Variants in OPRD1 observed in about 807,000 individuals in gnomAD.
The protein encoded by OPRD1 is opioid receptor delta 1.
A neutral mutation model predicts 17.5 loss-of-function variants in OPRD1; 19 were observed. The observed-to-expected ratio is 1.09, with a 90% confidence interval of 0.76 to 1.60. OPRD1 has a LOEUF of 1.60. OPRD1 is among the 40% of genes most tolerant of loss of function. The pLI is 0.00. For missense variants in OPRD1, 483 were observed against 547.2 expected (o/e 0.88, Z 1.17); for synonymous variants, 256 against 240.9 (o/e 1.06, Z -0.58).
rs2089206549 is a variant in OPRD1, at chr1:28,870,325, C to T, written c.*7042C>T. 6.6e-6 allele frequency: 1 copy of T among 150,812 alleles called. No homozygotes were observed. The highest frequency in any genetic ancestry group is 6.6e-5 in the Admixed American group (1 of 15,090). The allele number at this position is 150,812 out of a possible 1,614,324, so 9.3% of individuals were successfully genotyped here. Reference sequence around the variant, plus strand: ...GAAGTGCAATGGCGAGATCTCGGCTCACTGCAACCTCCGCCGCCCGGGTTC... The same window carrying T: ...GAAGTGCAATGGCGAGATCTCGGCTTACTGCAACCTCCGCCGCCCGGGTTC... On this transcript the variant is annotated 3_prime_UTR_variant, in exon 3 of 3. Coordinates refer to ENST00000234961, the MANE Select transcript of OPRD1 (RefSeq NM_000911.4).
Position 28,863,467 on chromosome 1 carries a change from G to A in OPRD1, c.*184G>A. 1.5e-6 allele frequency: 1 copy of A among 651,862 alleles called. No homozygotes were observed. The highest frequency in any genetic ancestry group is 2.4e-6 in the Non-Finnish European group (1 of 418,896). 40.4% of individuals were successfully genotyped at this position (651,862 alleles called of 1,614,324 possible). A position where few individuals can be genotyped will look rare whatever the true frequency, so the allele number is the denominator to read the frequency against. ...TAGATGGGCATGGGGTGGGCCTCTG[G>A]TTTGGGGCGAGGCAGAGGACAGATC... is the stretch of plus-strand genomic sequence containing the variant. On this transcript the variant is annotated 3_prime_UTR_variant, in exon 3 of 3. Coordinates refer to ENST00000234961, the MANE Select transcript of OPRD1 (RefSeq NM_000911.4).
chr1:28,847,607 G>A (rs545768804), intron 1 of OPRD1, among the ~76,000 whole-genome samples: 2 of 152,268 alleles, frequency 1.3e-5, no homozygotes, highest in African/African-American at 4.8e-5. Context: ...ACTGAGGTGG[G>A]TGGATTGCTT....
rs1322111930 is a variant in OPRD1 at position 28,866,174 on chromosome 1, G to A, written c.*2891G>A. The A allele has an allele frequency of 1.3e-5, 2 of 152,266 alleles. No individual in the cohort carries two copies. Among genetic ancestry groups the A allele is most frequent in the Admixed American group, 6.5e-5 (1 of 15,286 alleles). The allele number at this position is 152,266 out of a possible 1,614,324, so 9.4% of individuals were successfully genotyped here. A position where few individuals can be genotyped will look rare whatever the true frequency, so the allele number is the denominator to read the frequency against. Reference sequence around the variant, plus strand: ...GCCTGAGCCAGTGTTGGGAGATAAAGCATCAACAGATGATTGCACCTCAGT... The same window carrying A: ...GCCTGAGCCAGTGTTGGGAGATAAAACATCAACAGATGATTGCACCTCAGT... On this transcript the variant is annotated 3_prime_UTR_variant, in exon 3 of 3. Coordinates refer to ENST00000234961, the MANE Select transcript of OPRD1 (RefSeq NM_000911.4).
At chr1:28,820,097 C>G (rs1157282140) in intron 1 of OPRD1, among the ~76,000 whole-genome samples, 2 of 151,612 alleles carry the variant, frequency 1.3e-5, no homozygotes, top group African/African-American at 2.4e-5. Context: ...GGTATGTGGT[C>G]AATAAACATC....
chr1:28,839,643 A>G (rs2088879761), intron 1 of OPRD1, among the ~76,000 whole-genome samples: 3 of 151,942 alleles, frequency 2.0e-5, no homozygotes, highest in Admixed American at 2.0e-4. Flanking sequence ...ACTGTTTTTG[A>G]TTTTAGGTCT....
chr1:28,859,033 C>T lies in OPRD1; in HGVS notation c.307C>T (p.Pro103Ser). Residue 103 changes from proline to serine, a missense_variant, in exon 2 of 3, where the codon CCT (proline) becomes TCT (serine). Coordinates refer to ENST00000234961, the MANE Select transcript of OPRD1 (RefSeq NM_000911.4). ...LADALATSTLPFQSAKYLMET... is the reference protein window; with the variant it reads ...LADALATSTLSFQSAKYLMET... Reference sequence around the variant, plus strand: ...CGATGCGCTGGCCACCAGCACGCTGCCTTTCCAGAGTGCCAAGTACCTGAT... The same window carrying T: ...CGATGCGCTGGCCACCAGCACGCTGTCTTTCCAGAGTGCCAAGTACCTGAT... The T allele has an allele frequency of 6.2e-7, 1 of 1,614,184 alleles. No homozygotes were observed. Among genetic ancestry groups the T allele is most frequent in the Non-Finnish European group, 8.5e-7 (1 of 1,180,046 alleles).
At chr1:28,824,216 C>G (rs1386195284) in intron 1 of OPRD1, among the ~76,000 whole-genome samples, 13 of 149,092 alleles carry the variant, frequency 8.7e-5, no homozygotes, top group Non-Finnish European at 1.9e-4. Flanking sequence ...CAAAGAACAC[C>G]ACACAGAGAG....
chr1:28,843,073 C>A lies in OPRD1; in HGVS notation c.228-15881C>A, dbSNP rs555389978. Among the ~76,000 whole-genome samples, 10 of 152,114 alleles carry A rather than the reference C, an allele frequency of 6.6e-5. No individual in the cohort carries two copies. In the South Asian group the frequency reaches 1.9e-3, roughly 28 times the overall value. ...TGTATGCTGCACGCTTTCACACGTG[C>A]GGCTCCTAGAAAGCATCATTACACT... On this transcript the variant is annotated intron_variant, in intron 1 of 2. Coordinates refer to ENST00000234961, the MANE Select transcript of OPRD1 (RefSeq NM_000911.4).
intron 1 of OPRD1, among the ~76,000 whole-genome samples, chr1:28,817,042 G>C (rs2088676432): frequency 6.6e-6 from 1 of 152,172 alleles, no homozygotes; most frequent in Non-Finnish European, 1.5e-5. Flanking sequence ...GGTTTCAGCA[G>C]GTTTGTACCC....
rs2089191322 is a variant in OPRD1 at position 28,868,286 on chromosome 1, G to C, written c.*5003G>C. Reference sequence around the variant, plus strand: ...CTTCTAGAGTTGAGATGTGGGAATTGGTCCATCTCTAATACGATCATCAGC... The same window carrying C: ...CTTCTAGAGTTGAGATGTGGGAATTCGTCCATCTCTAATACGATCATCAGC... On this transcript the variant is annotated 3_prime_UTR_variant, in exon 3 of 3. Coordinates refer to ENST00000234961, the MANE Select transcript of OPRD1 (RefSeq NM_000911.4). 6.6e-6 allele frequency: 1 copy of C among 152,150 alleles called. No individual in the cohort carries two copies. The highest frequency in any genetic ancestry group is 1.5e-5 in the Non-Finnish European group (1 of 68,034). The allele number at this position is 152,150 out of a possible 1,614,324, so 9.4% of individuals were successfully genotyped here. A position where few individuals can be genotyped will look rare whatever the true frequency, so the allele number is the denominator to read the frequency against.
Position 28,865,359 on chromosome 1 carries a change from A to G in OPRD1, c.*2076A>G, listed in dbSNP as rs1181233641. ...ACGTCTTTGTCTCAAACAAAAGAAA[A>G]AAGAAAAAGAAACAATATACTTCTT... On this transcript the variant is annotated 3_prime_UTR_variant, in exon 3 of 3. Transcript: ENST00000234961. The G allele has an allele frequency of 1.3e-5, 2 of 152,216 alleles. No individual in the cohort carries two copies. The highest frequency in any genetic ancestry group is 4.8e-5 in the African/African-American group (2 of 41,450). The allele number at this position is 152,216 out of a possible 1,614,324, so 9.4% of individuals were successfully genotyped here. A position where few individuals can be genotyped will look rare whatever the true frequency, so the allele number is the denominator to read the frequency against.
At chr1:28,852,869 C>T (rs1557578217) in intron 1 of OPRD1, among the ~76,000 whole-genome samples, 1 of 152,018 alleles carries the variant, frequency 6.6e-6, no homozygotes, top group Non-Finnish European at 1.5e-5. Flanking sequence ...CAGGTGCCCG[C>T]CACCACACCC....
chr1:28,841,322 CCCCAG>C (rs1421749310), intron 1 of OPRD1, among the ~76,000 whole-genome samples: 11 of 152,356 alleles, frequency 7.2e-5, no homozygotes, highest in African/African-American at 2.2e-4. Flanking sequence ...GTGGGCCCAT[CCCCAG>C]CCCAGCCCGG....
chr1:28,812,927 T>A lies in OPRD1; in HGVS notation c.227+317T>A, dbSNP rs760686668. On this transcript the variant is annotated intron_variant, in intron 1 of 2. Coordinates refer to ENST00000234961, the MANE Select transcript of OPRD1 (RefSeq NM_000911.4). ...CAGTTTGTGTGTCTGTCACAGTTTG[T>A]GAGTGGATGGTTGTGACAGTACAAC... Among the ~76,000 whole-genome samples, 9 of 152,112 alleles carry A rather than the reference T, an allele frequency of 5.9e-5. 1 individual carries two copies. The highest frequency in any genetic ancestry group is 2.2e-4 in the African/African-American group (9 of 41,432).
At position 28,812,348 on chromosome 1, in the gene OPRD1, C is replaced by G; in HGVS notation, c.-36C>G. ...GTCGGATCCCCGCGCCCAGGGCGCA[C>G]GGTGGAGAGGGACGCGGCGGAGCCG... On this transcript the variant is annotated 5_prime_UTR_variant, in exon 1 of 3. Transcript: ENST00000234961. The G allele has an allele frequency of 3.1e-6, 4 of 1,280,566 alleles. No individual in the cohort carries two copies. The highest frequency in any genetic ancestry group is 4.0e-6 in the Non-Finnish European group (4 of 1,010,432). The allele number at this position is 1,280,566 out of a possible 1,614,324, so 79.3% of individuals were successfully genotyped here. A position where few individuals can be genotyped will look rare whatever the true frequency, so the allele number is the denominator to read the frequency against.
intron 1 of OPRD1, among the ~76,000 whole-genome samples, chr1:28,820,401 G>T (rs2088702745): frequency 6.6e-6 from 1 of 151,750 alleles, no homozygotes; most frequent in East Asian, 1.9e-4. Flanking sequence ...CACCATGATG[G>T]CCAGGCTGGT....
chr1:28,821,635 G>A (rs1310648354), intron 1 of OPRD1, among the ~76,000 whole-genome samples: 1 of 152,212 alleles, frequency 6.6e-6, no homozygotes, highest in South Asian at 2.1e-4. Context: ...AACATTATAT[G>A]TTAAGCATGT....
Position 28,863,120 on chromosome 1 carries a change from C to T in OPRD1, c.956C>T (p.Ala319Val), listed in dbSNP as rs1167135589. Residue 319 changes from alanine (A) to valine (V), a missense_variant, in exon 3 of 3, where the codon GCT becomes GTT. Physicochemically the swap from Ala to Val is moderately conservative, Grantham distance 64 (BLOSUM62 0). Coordinates refer to ENST00000234961, the MANE Select transcript of OPRD1 (RefSeq NM_000911.4). Reference sequence around the variant, plus strand: ...AGCAGCCTCAACCCCGTGCTCTACGCTTTCCTCGACGAGAACTTCAAGCGC... The same window carrying T: ...AGCAGCCTCAACCCCGTGCTCTACGTTTTCCTCGACGAGAACTTCAAGCGC... The part of the protein sequence containing the change: ...ANSSLNPVLY[A>V]FLDENFKRCF... The T allele has an allele frequency of 6.2e-7, 1 of 1,610,108 alleles. No homozygotes were observed. The highest frequency in any genetic ancestry group is 1.3e-5 in the African/African-American group (1 of 75,024).
intron 1 of OPRD1, among the ~76,000 whole-genome samples, chr1:28,824,676 T>A (rs1161287674): frequency 2.6e-5 from 4 of 152,078 alleles, no homozygotes; most frequent in African/African-American, 9.7e-5. Context: ...GAGATGTATA[T>A]ATATTATCCC....
Sources: gnomAD v4.1 joint callset for allele counts (sites outside exome capture counted in the v4.1 genomes callset) on GRCh38, gnomAD v4.1.1 for gene constraint, MANE v1.5 for transcripts, NCBI Gene and HGNC (gene_info 2026-07-23, HGNC 2026-07-21) for gene names.